Variants in PGM5 observed in about 807,000 individuals in gnomAD.
PGM5 encodes phosphoglucomutase 5.
In PGM5, 23 loss-of-function variants were observed where a neutral mutation model predicts 59.2. The ratio of observed to expected loss-of-function variants is 0.39; its 90% confidence interval spans 0.28 to 0.55. The LOEUF is 0.55. Ranked by LOEUF, PGM5 falls within the 20% of genes least tolerant of loss-of-function variation. The pLI is 0.66. For synonymous variants in PGM5, 214 were observed against 286.0 expected, an observed-to-expected ratio of 0.75 and a Z score of 2.54; for missense variants, 574 against 748.3, an observed-to-expected ratio of 0.77 and a Z score of 2.72.
chr9:68,419,487 T>A (rs1564000598), intron 6 of PGM5, among the ~76,000 whole-genome samples: 1 of 152,182 alleles, frequency 6.6e-6, no homozygotes, highest in Non-Finnish European at 1.5e-5. Flanking sequence ...TTGGCCATGA[T>A]CAGAGTAGGT....
At chr9:68,402,186 C>G (rs1204626152) in intron 6 of PGM5, among the ~76,000 whole-genome samples, 2 of 152,280 alleles carry the variant, frequency 1.3e-5, no homozygotes, top group African/African-American at 4.8e-5. Context: ...ATCGCTTAAA[C>G]CTGGGAGGCA....
At chr9:68,464,970 T>C in intron 6 of PGM5, 123 bp from the exon 7 acceptor site, 1 of 588,370 alleles carries the variant, frequency 1.7e-6, no homozygotes, top group Non-Finnish European at 3.0e-6. Context: ...CTGTCAACAC[T>C]ACCCAGGTTG....
intron 7 of PGM5, among the ~76,000 whole-genome samples, chr9:68,477,193 G>T (rs1209913692): frequency 5.9e-5 from 9 of 152,168 alleles, no homozygotes; most frequent in African/African-American, 1.9e-4. Flanking sequence ...TTAACCCAGA[G>T]GCAACCACAA....
chr9:68,500,958 CT>C (rs1160349642), intron 10 of PGM5, among the ~76,000 whole-genome samples: 71 of 147,174 alleles, frequency 4.8e-4, no homozygotes, highest in East Asian at 2.2e-3. Context: ...AAAAGCAGTG[CT>C]TTTTTTTTTT....
chr9:68,367,749 G>A (rs547500489), intron 1 of PGM5, among the ~76,000 whole-genome samples: 1,937 of 151,494 alleles, frequency 0.013, 38 homozygotes, highest in African/African-American at 0.045. Flanking sequence ...GGGGGCAGGG[G>A]CACTTAGCAA....
Position 68,530,478 on chromosome 9 carries a change from A to C in PGM5, c.*822A>C, listed in dbSNP as rs1564030744. 6.6e-6 allele frequency: 1 copy of C among 152,210 alleles called. No individual in the cohort carries two copies. Among genetic ancestry groups the C allele is most frequent in the Non-Finnish European group, 1.5e-5 (1 of 68,038 alleles). The allele number at this position is 152,210 out of a possible 1,614,324, so 9.4% of individuals were successfully genotyped here. On this transcript the variant is annotated 3_prime_UTR_variant, in exon 11 of 11. Transcript: ENST00000396396. ...TTGATTACATCAAGTATGTTGGTAC[A>C]TGGGTTTATACAAGTTCCTCTTGAG...
intron 2 of PGM5, among the ~76,000 whole-genome samples, chr9:68,381,465 G>A (rs1279364375): frequency 6.6e-6 from 1 of 151,898 alleles, no homozygotes; most frequent in African/African-American, 2.4e-5. Context: ...TTAGTACATG[G>A]CAGGGATGCC....
intron 6 of PGM5, among the ~76,000 whole-genome samples, chr9:68,406,722 ATATG>A (rs1563996791): frequency 6.3e-4 from 56 of 88,348 alleles, no homozygotes; most frequent in South Asian, 1.1e-3. Flanking sequence ...ATATATATAT[ATATG>A]TATATAGTGC....
chr9:68,442,499 G>C (rs1195927842), intron 6 of PGM5, among the ~76,000 whole-genome samples: 1 of 152,152 alleles, frequency 6.6e-6, no homozygotes, highest in Non-Finnish European at 1.5e-5. Context: ...CTGACCTCAG[G>C]TGATCTGTCC....
At chr9:68,360,460 A>T (rs1442673889) in intron 1 of PGM5, among the ~76,000 whole-genome samples, 1 of 150,804 alleles carries the variant, frequency 6.6e-6, no homozygotes, top group Non-Finnish European at 1.5e-5. Context: ...GGCAGCTCTC[A>T]TACTCCTTCC....
chr9:68,397,395 T>C (rs761094375), intron 6 of PGM5: 8 of 152,274 alleles, frequency 5.3e-5, no homozygotes, highest in Admixed American at 1.3e-4. Context: ...TAGACATATT[T>C]ACAGTCTCAA....
chr9:68,436,434 C>T (rs782703331), intron 6 of PGM5, among the ~76,000 whole-genome samples: 16 of 151,952 alleles, frequency 1.1e-4, no homozygotes, highest in Non-Finnish European at 1.6e-4. Flanking sequence ...AAGCAGGACC[C>T]GGAAGATAAA....
chr9:68,446,697 G>A (rs1287190816), intron 6 of PGM5, among the ~76,000 whole-genome samples: 1 of 152,224 alleles, frequency 6.6e-6, no homozygotes, highest in African/African-American at 2.4e-5. Context: ...GGGTGGAGAA[G>A]CTCTGCATAT....
At chr9:68,489,608 G>A (rs1261340219) in intron 9 of PGM5, among the ~76,000 whole-genome samples, 2 of 151,880 alleles carry the variant, frequency 1.3e-5, no homozygotes, top group Non-Finnish European at 2.9e-5. Context: ...GGGGCTACAG[G>A]CGTGCACCAC....
At chr9:68,387,317 G>A (rs1238334119) in intron 3 of PGM5, 146 bp from the exon 4 acceptor site, 1 of 683,594 alleles carries the variant, frequency 1.5e-6, no homozygotes, top group South Asian at 2.1e-5. Flanking sequence ...TCAACAAATG[G>A]GCACTTCGCT....
chr9:68,529,361 T>C (rs1825043616), intron 10 of PGM5, among the ~76,000 whole-genome samples: 1 of 152,118 alleles, frequency 6.6e-6, no homozygotes, highest in Admixed American at 6.5e-5. Context: ...GGTTAAGACT[T>C]TGGAGATCAC....
intron 7 of PGM5, chr9:68,466,270 G>GTGT (rs1823933559): frequency 7.7e-5 from 43 of 558,692 alleles, no homozygotes; most frequent in East Asian, 1.4e-4. Flanking sequence ...GATACTGTGT[G>GTGT]TTTTTTTTTT....
intron 6 of PGM5, among the ~76,000 whole-genome samples, chr9:68,409,198 T>A (rs1554681411): frequency 6.8e-6 from 1 of 147,706 alleles, no homozygotes; most frequent in East Asian, 2.0e-4. Context: ...CCAGTTAGAA[T>A]GGCAATCATT....
At chr9:68,387,356 G>A in intron 3 of PGM5, 107 bp from the exon 4 acceptor site, 1 of 961,566 alleles carries the variant, frequency 1.0e-6, no homozygotes, top group South Asian at 1.6e-5. Flanking sequence ...GATATGATGG[G>A]CTTGTGACCA....
Sources: allele counts gnomAD v4.1 joint callset (sites outside exome capture counted in the v4.1 genomes callset), GRCh38; gene constraint gnomAD v4.1.1; transcripts MANE v1.5; gene names NCBI Gene and HGNC (gene_info 2026-07-23, HGNC 2026-07-21).